JAML: variants seen among roughly 807,000 people sequenced by gnomAD.
JAML encodes the protein junction adhesion molecule like, also known as junctional adhesion molecule-like.
JAML carries 25 observed loss-of-function variants against 39.3 expected under a neutral mutation model. That is an observed-to-expected ratio of 0.64 (90% CI 0.46 to 0.89). JAML has a LOEUF of 0.89. Ranked by LOEUF, JAML falls within the 40% of genes least tolerant of loss-of-function variation. The probability of loss-of-function intolerance (pLI) is 0.00; values close to 1 mark genes in which losing one functional copy is unlikely to be tolerated. For missense variants in JAML, 440 were observed against 486.9 expected (o/e 0.90, Z 0.91); for synonymous variants, 162 against 179.2 (o/e 0.90, Z 0.77).
At chr11:118,203,753 T>A in intron 5 of JAML, 88 bp from the exon 6 acceptor site, 1 of 1,080,852 alleles carries the variant, frequency 9.3e-7, no homozygotes, top group African/African-American at 1.6e-5. Context: ...ATCTCAGGAC[T>A]CCAAGGCCCT....
At chr11:118,197,921 A>G in intron 8 of JAML, 77 bp downstream of exon 8, 1 of 1,320,034 alleles carries the variant, frequency 7.6e-7, no homozygotes, top group Non-Finnish European at 1.1e-6. Flanking sequence ...TACAATGGGT[A>G]AGATATGGTT....
In JAML at chr11:118,222,374, C is replaced by G. The variant is rs1253932396; in HGVS notation, c.-21+2567G>C. Among the ~76,000 whole-genome samples, 1 of 151,908 alleles carries G rather than the reference C, an allele frequency of 6.6e-6. No individual in the cohort carries two copies. Among genetic ancestry groups the G allele is most frequent in the Non-Finnish European group, 1.5e-5 (1 of 67,982 alleles). Reference sequence around the variant, plus strand: ...GGCTGAGGCTGCAGCGAGTTGTGATCGCACCACTGCATTCCAACCTGGCGA... The same window carrying G: ...GGCTGAGGCTGCAGCGAGTTGTGATGGCACCACTGCATTCCAACCTGGCGA... On this transcript the variant is annotated intron_variant, in intron 1 of 9. Transcript: ENST00000356289. This position sits in a 1 kb window ranked among gnomAD's most constrained non-coding sequence, Gnocchi z 4.2.
intron 2 of JAML, chr11:118,213,054 G>A: frequency 5.0e-6 from 8 of 1,586,852 alleles, no homozygotes; most frequent in African/African-American, 2.7e-5. Context: ...TCTGGCTGTA[G>A]GGCAGGTCCT....
chr11:118,221,747 A>G (rs1410552800), intron 1 of JAML, among the ~76,000 whole-genome samples: 1 of 152,216 alleles, frequency 6.6e-6, no homozygotes, highest in Admixed American at 6.5e-5. Context: ...CCTGGCTCCA[A>G]AAGTGAGTCT....
intron 5 of JAML, chr11:118,203,955 A>T (rs572349672): frequency 5.1e-5 from 19 of 372,412 alleles, no homozygotes; most frequent in African/African-American, 3.5e-4. Context: ...AAGCAAAAGT[A>T]TACTTTTATT....
chr11:118,206,466 G>C (rs907511332), intron 4 of JAML, among the ~76,000 whole-genome samples: 1 of 152,106 alleles, frequency 6.6e-6, no homozygotes, highest in African/African-American at 2.4e-5. Context: ...ACAGGAAGTG[G>C]AAAGTTATAG....
At chr11:118,205,857 C>A (rs771799458) in intron 5 of JAML, 25 bp downstream of exon 5, 2 of 1,594,532 alleles carry the variant, frequency 1.3e-6, no homozygotes, top group Non-Finnish European at 1.7e-6. Flanking sequence ...CCTTCTCTAA[C>A]ACAGTGATGT....
In JAML at chr11:118,200,590, C is replaced by T. The variant is rs1488702847; in HGVS notation, c.795G>A (p.Leu265=). ...EPRTLVTPAA[L]RPLVLGGNQL... ...GATTACCACCCAAGACCAGAGGCCTCAGGGCTGCCGGGGTCACCAGTGCTT... is the reference window on the plus strand; with the variant it reads ...GATTACCACCCAAGACCAGAGGCCTTAGGGCTGCCGGGGTCACCAGTGCTT... Residue 265 remains leucine (L), a synonymous_variant, in exon 7 of 10, where the codon CTG becomes CTA. Transcript: ENST00000356289. The T allele has an allele frequency of 1.2e-6, 2 of 1,614,174 alleles. No individual in the cohort carries two copies. Among genetic ancestry groups the T allele is most frequent in the East Asian group, 4.5e-5 (2 of 44,882 alleles).
intron 5 of JAML, 194 bp from the exon 6 acceptor site, chr11:118,203,859 T>C (rs1002964452): frequency 1.6e-5 from 9 of 565,438 alleles, no homozygotes; most frequent in African/African-American, 1.3e-4. Context: ...GTGAAGGACA[T>C]CACAAAACCA....
intron 6 of JAML, 157 bp from the exon 7 acceptor site, chr11:118,200,769 A>G: frequency 1.3e-6 from 1 of 771,586 alleles, no homozygotes; most frequent in Non-Finnish European, 2.0e-6. Context: ...TGTCTCCATG[A>G]GATTGAGAAC....
At chr11:118,208,358 G>A (rs1276295721) in intron 4 of JAML, among the ~76,000 whole-genome samples, 1 of 152,192 alleles carries the variant, frequency 6.6e-6, no homozygotes, top group Non-Finnish European at 1.5e-5. Flanking sequence ...GGATAATTAG[G>A]AGAGGGGCCA....
intron 9 of JAML, among the ~76,000 whole-genome samples, chr11:118,196,302 AT>A (rs1188845915): frequency 6.7e-6 from 1 of 148,566 alleles, no homozygotes; most frequent in African/African-American, 2.5e-5. Context: ...CAATTTTTGT[AT>A]TTTTAGTAGA....
chr11:118,194,257 G>T lies in JAML; in HGVS notation c.*68C>A. ...GAGCGGGAGTCTGAAATCACTGGTA[G>T]AGTGGCCCAGGACACACACAGGAGA... is the stretch of plus-strand genomic sequence containing the variant. On this transcript the variant is annotated 3_prime_UTR_variant, in exon 10 of 10. Coordinates refer to ENST00000356289, the MANE Select transcript of JAML (RefSeq NM_001098526.2). 7.3e-7 allele frequency: 1 copy of T among 1,365,244 alleles called. No individual in the cohort carries two copies. Among genetic ancestry groups the T allele is most frequent in the Non-Finnish European group, 1.0e-6 (1 of 954,844 alleles). The allele number at this position is 1,365,244 out of a possible 1,614,324, so 84.6% of individuals were successfully genotyped here.
At chr11:118,221,729 G>C (rs553034337) in intron 1 of JAML, among the ~76,000 whole-genome samples, 1 of 152,244 alleles carries the variant, frequency 6.6e-6, no homozygotes, top group Non-Finnish European at 1.5e-5. Flanking sequence ...GGTGCCCTGG[G>C]TTCAATTCCT....
At position 118,212,580 on chromosome 11, in the gene JAML, A is replaced by T. The variant is rs765258097; in HGVS notation, c.44-19T>A. 8.1e-6 allele frequency: 13 copies of T among 1,612,770 alleles called. No homozygotes were observed. The highest frequency in any genetic ancestry group is 1.1e-5 in the Non-Finnish European group (13 of 1,179,758). On this transcript the variant is annotated intron_variant, in intron 2 of 9. Coordinates refer to ENST00000356289, the MANE Select transcript of JAML (RefSeq NM_001098526.2). ...GAATAATCTATAGAAGTCAAAGGCA[A>T]GAGGACACATCATTTAGACAAATAC...
At chr11:118,212,766 T>C in intron 2 of JAML, 1 of 1,577,806 alleles carries the variant, frequency 6.3e-7, no homozygotes, top group South Asian at 1.2e-5. Flanking sequence ...GCAATCTTCA[T>C]ACTACAATAA....
intron 9 of JAML, among the ~76,000 whole-genome samples, chr11:118,194,825 A>G (rs1948620141): frequency 6.6e-6 from 1 of 152,206 alleles, no homozygotes; most frequent in South Asian, 2.1e-4. Context: ...CTATCAGAGA[A>G]CACCTTTATA....
chr11:118,200,350 A>G (rs1438433196), intron 7 of JAML, 124 bp downstream of exon 7: 2 of 1,217,044 alleles, frequency 1.6e-6, no homozygotes, highest in Non-Finnish European at 2.3e-6. Flanking sequence ...AGATGATTCC[A>G]TTTAAAAATA....
intron 3 of JAML, 48 bp downstream of exon 3, chr11:118,212,359 C>T (rs1469937898): frequency 1.3e-6 from 2 of 1,597,928 alleles, no homozygotes; most frequent in African/African-American, 2.7e-5. Context: ...TGTCCTGACA[C>T]CAGCAGTCAG....
Sources: gnomAD v4.1 joint callset for allele counts (sites outside exome capture counted in the v4.1 genomes callset) on GRCh38, gnomAD v4.1.1 for gene constraint, Gnocchi (gnomAD v3.1) non-coding constraint, MANE v1.5 for transcripts, NCBI Gene and HGNC (gene_info 2026-07-23, HGNC 2026-07-21) for gene names.